The following SPATA13 variants were observed in gnomAD, a reference collection of about 807,000 sequenced individuals.
SPATA13 encodes spermatogenesis associated 13, also known as spermatogenesis-associated protein 13.
Under a neutral mutation model 104.0 loss-of-function variants are expected in SPATA13, and 50 were observed. The ratio of observed to expected loss-of-function variants is 0.48; its 90% CI spans 0.38 to 0.61. The LOEUF is 0.61. SPATA13 is among the 20% of genes least tolerant of loss of function. The probability of loss-of-function intolerance (pLI) is 0.00; values close to 1 mark genes in which losing one functional copy is unlikely to be tolerated. For synonymous variants in SPATA13, 606 were observed against 667.5 expected (o/e 0.91, Z 1.42); for missense variants, 1,524 against 1,690.6 (o/e 0.90, Z 1.73).
At chr13:24,200,537 A>G (rs78034788) in intron 1 of SPATA13, among the ~76,000 whole-genome samples, 1,655 of 152,216 alleles carry the variant, frequency 0.011, 25 homozygotes, top group African/African-American at 0.033. Context: ...AGGTGACATC[A>G]TTCTGACTTC....
chr13:24,222,744 G>T (rs74998801), intron 1 of SPATA13, 75 bp from the exon 2 acceptor site: 1 of 1,282,276 alleles, frequency 7.8e-7, no homozygotes. Context: ...GTGCTGGAGC[G>T]TGCCTCTTCT....
At chr13:24,104,157 A>G (rs547426498) in intron 3 of SPATA13, among the ~76,000 whole-genome samples, 67 of 152,210 alleles carry the variant, frequency 4.4e-4, no homozygotes, top group Admixed American at 9.2e-4. Flanking sequence ...CCACATGTGT[A>G]CGTGCTGAGA....
At chr13:24,232,231 A>T (rs1419051598) in intron 2 of SPATA13, among the ~76,000 whole-genome samples, 1 of 152,134 alleles carries the variant, frequency 6.6e-6, no homozygotes, top group Non-Finnish European at 1.5e-5. Context: ...AGGCCCAAGA[A>T]CCAGGAGCTT....
At chr13:24,272,578 C>A (rs1593482296) in intron 4 of SPATA13, 1 of 152,352 alleles carries the variant, frequency 6.6e-6, no homozygotes, top group South Asian at 2.1e-4. Context: ...TGAGGGACTG[C>A]CTAGTGGCTC....
chr13:24,095,517 G>A (rs1047536170), intron 3 of SPATA13, among the ~76,000 whole-genome samples: 3 of 152,132 alleles, frequency 2.0e-5, no homozygotes, highest in Non-Finnish European at 2.9e-5. Flanking sequence ...CATGAAAGTG[G>A]GAATGCACCT....
At chr13:24,127,523 G>A (rs1208731483) in intron 3 of SPATA13, among the ~76,000 whole-genome samples, 1 of 146,462 alleles carries the variant, frequency 6.8e-6, no homozygotes, top group Non-Finnish European at 1.5e-5. Context: ...GTGAACCATA[G>A]AGTGAACCAA....
chr13:24,293,375 A>G (rs1203719838), intron 9 of SPATA13, among the ~76,000 whole-genome samples: 1 of 152,178 alleles, frequency 6.6e-6, no homozygotes, highest in African/African-American at 2.4e-5. Context: ...GACAATTAAT[A>G]AGAAAATTAA....
chr13:24,177,838 C>T (rs937294211), intron 1 of SPATA13, among the ~76,000 whole-genome samples: 91 of 152,196 alleles, frequency 6.0e-4, no homozygotes, highest in Middle Eastern at 6.8e-3. Flanking sequence ...TCAATATAAT[C>T]ACTTTGGGGA....
At chr13:24,073,606 G>C (rs929544806) in intron 3 of SPATA13, among the ~76,000 whole-genome samples, 2 of 152,204 alleles carry the variant, frequency 1.3e-5, no homozygotes, top group African/African-American at 4.8e-5. Context: ...CTTTAGGCCA[G>C]TCCTTAAAGC....
At chr13:24,107,472 T>G (rs1412093318) in intron 3 of SPATA13, among the ~76,000 whole-genome samples, 1 of 152,132 alleles carries the variant, frequency 6.6e-6, no homozygotes, top group African/African-American at 2.4e-5. Flanking sequence ...GCAAATGTAC[T>G]TGCTTTCGAC....
At position 24,067,641 on chromosome 13, in the gene SPATA13, C is replaced by T. The variant is rs115507279; in HGVS notation, c.-112+49940C>T. Among the ~76,000 whole-genome samples, 381 of 152,286 alleles carry T rather than the reference C, an allele frequency of 2.5e-3. 3 individuals carry two copies. Among genetic ancestry groups the T allele is most frequent in the South Asian group, 1.0e-2 (48 of 4,822 alleles). On this transcript the variant is annotated intron_variant, in intron 3 of 14. Coordinates refer to the SPATA13 transcript ENST00000424834. ...GCGTGGAAGGCTCTATGCTGTGTCA[C>T]CTCAGGAACAGAATCTTGGGGTAGA...
intron 3 of SPATA13, among the ~76,000 whole-genome samples, chr13:24,060,690 A>G (rs1372484964): frequency 8.3e-6 from 1 of 121,026 alleles, no homozygotes; most frequent in East Asian, 3.1e-4. Flanking sequence ...TGCCTCTGAC[A>G]AAGGTCTAAT....
chr13:24,123,385 T>C, intron 3 of SPATA13: 1 of 1,279,890 alleles, frequency 7.8e-7, no homozygotes, highest in South Asian at 1.2e-5. Context: ...CTTGCTCTCA[T>C]GTAGCCTAGT....
chr13:24,008,080 G>A lies in SPATA13; in HGVS notation c.-146-9587G>A, dbSNP rs1876311708. The stretch of plus-strand genomic sequence containing the variant: ...CCACTCATGGGAGCCGAACCACCCA[G>A]GTGTGTGTCCCTGTGAAGGTTAAGG... On this transcript the variant is annotated intron_variant, in intron 2 of 14. Transcript: ENST00000424834. 2.0e-5 allele frequency among the ~76,000 whole-genome samples: 3 copies of A among 152,326 alleles called. No homozygotes were observed. The South Asian group carries it at 6.2e-4, about 32-fold the overall frequency.
At chr13:24,287,880 G>A (rs1055486369) in intron 7 of SPATA13, among the ~76,000 whole-genome samples, 4 of 152,106 alleles carry the variant, frequency 2.6e-5, no homozygotes, top group African/African-American at 7.2e-5. Flanking sequence ...TGCTCATTAC[G>A]GCTCTCCTAG....
chr13:24,194,894 T>C (rs1440794765), intron 1 of SPATA13, among the ~76,000 whole-genome samples: 1 of 152,226 alleles, frequency 6.6e-6, no homozygotes, highest in Non-Finnish European at 1.5e-5. Flanking sequence ...GTGAATCTTG[T>C]AAGGATGAAT....
chr13:24,025,224 C>A (rs925204393), intron 3 of SPATA13, among the ~76,000 whole-genome samples: 2 of 151,724 alleles, frequency 1.3e-5, no homozygotes, highest in African/African-American at 2.4e-5. Flanking sequence ...TAAAATGAAT[C>A]AAATTTGTAT....
At chr13:24,138,195 T>A (rs1881634731) in intron 3 of SPATA13, among the ~76,000 whole-genome samples, 1 of 151,544 alleles carries the variant, frequency 6.6e-6, no homozygotes, top group African/African-American at 2.4e-5. Context: ...TAATCCCAGC[T>A]ACTCGGGAGG....
chr13:23,996,659 A>C (rs1418286560), intron 2 of SPATA13, among the ~76,000 whole-genome samples: 1 of 152,198 alleles, frequency 6.6e-6, no homozygotes, highest in Admixed American at 6.5e-5. Context: ...AGTAGCTTAC[A>C]GGAGGATGTT....
Sources: gnomAD v4.1 joint callset for allele counts (sites outside exome capture counted in the v4.1 genomes callset) on GRCh38, gnomAD v4.1.1 for gene constraint, MANE v1.5 for transcripts, NCBI Gene and HGNC (gene_info 2026-07-23, HGNC 2026-07-21) for gene names.